RCAN2: variants seen among roughly 807,000 people sequenced by gnomAD.
RCAN2 encodes the protein regulator of calcineurin 2.
A neutral mutation model predicts 23.6 loss-of-function variants in RCAN2; 9 were observed. The observed-to-expected ratio is 0.38, with a 90% CI of 0.23 to 0.67. RCAN2 has a LOEUF of 0.67. Among genes scored for constraint, RCAN2 ranks in the 30% least tolerant of loss-of-function variants. The probability of loss-of-function intolerance (pLI) is 0.51; values close to 1 mark genes in which losing one functional copy is unlikely to be tolerated. For missense variants in RCAN2, 273 were observed against 302.3 expected, an observed-to-expected ratio of 0.90 and a Z score of 0.72; for synonymous variants, 109 against 115.7, an observed-to-expected ratio of 0.94 and a Z score of 0.37.
At chr6:46,433,585 T>C (rs1168091036) in intron 2 of RCAN2, among the ~76,000 whole-genome samples, 1 of 152,034 alleles carries the variant, frequency 6.6e-6, no homozygotes, top group Admixed American at 6.6e-5. Flanking sequence ...AGATTTACAG[T>C]GTTGGCTTTG....
At chr6:46,298,384 T>C (rs1762787404) in intron 2 of RCAN2, among the ~76,000 whole-genome samples, 1 of 151,994 alleles carries the variant, frequency 6.6e-6, no homozygotes, top group South Asian at 2.1e-4. Context: ...GGGGTAGTGG[T>C]GAGGGCAATA....
intron 2 of RCAN2, among the ~76,000 whole-genome samples, chr6:46,258,940 C>T (rs1168089361): frequency 1.3e-5 from 2 of 152,076 alleles, no homozygotes; most frequent in East Asian, 1.9e-4. Context: ...GGAGGCAGAG[C>T]GGGGGTGAAT....
intron 2 of RCAN2, among the ~76,000 whole-genome samples, chr6:46,407,206 G>A (rs1226752960): frequency 6.6e-6 from 1 of 152,230 alleles, no homozygotes; most frequent in African/African-American, 2.4e-5. Flanking sequence ...TCAGCACACA[G>A]AAACACAACA....
At chr6:46,461,070 G>A (rs562223198) in intron 1 of RCAN2, among the ~76,000 whole-genome samples, 1 of 152,198 alleles carries the variant, frequency 6.6e-6, no homozygotes, top group East Asian at 1.9e-4. Flanking sequence ...AGAAAAACTG[G>A]AAAATTCAAA....
intron 2 of RCAN2, among the ~76,000 whole-genome samples, chr6:46,386,998 T>G (rs1334210385): frequency 2.0e-5 from 3 of 152,140 alleles, no homozygotes; most frequent in African/African-American, 7.2e-5. Flanking sequence ...ACAAGAAATG[T>G]GGAAAGGATT....
intron 1 of RCAN2, among the ~76,000 whole-genome samples, chr6:46,486,281 T>C (rs1391277287): frequency 6.6e-6 from 1 of 151,950 alleles, no homozygotes; most frequent in Admixed American, 6.6e-5. Flanking sequence ...CCTTGTGGAG[T>C]TGTTGTAAGG....
chr6:46,472,527 G>A (rs1768588735), intron 1 of RCAN2, among the ~76,000 whole-genome samples: 1 of 152,096 alleles, frequency 6.6e-6, no homozygotes, highest in South Asian at 2.1e-4. Flanking sequence ...CCAGGCAACG[G>A]AGAGGACAGT....
At chr6:46,458,898 T>TGC (rs1561914387) in intron 1 of RCAN2, among the ~76,000 whole-genome samples, 2 of 111,560 alleles carry the variant, frequency 1.8e-5, no homozygotes, top group African/African-American at 5.4e-5. Flanking sequence ...CGCGCGCACG[T>TGC]GTGTGTGTGT....
At chr6:46,231,166 C>T (rs917137192) in intron 4 of RCAN2, among the ~76,000 whole-genome samples, 6 of 152,126 alleles carry the variant, frequency 3.9e-5, no homozygotes, top group Admixed American at 6.5e-5. Context: ...TACATCAATA[C>T]GACTAGCACC....
intron 2 of RCAN2, among the ~76,000 whole-genome samples, chr6:46,314,007 G>A (rs1040743389): frequency 2.0e-5 from 3 of 148,728 alleles, no homozygotes; most frequent in Admixed American, 6.7e-5. Flanking sequence ...ATAGTGGGGG[G>A]CTTTTAGCTT....
At chr6:46,367,026 T>G (rs1324591817) in intron 2 of RCAN2, among the ~76,000 whole-genome samples, 2 of 107,196 alleles carry the variant, frequency 1.9e-5, no homozygotes, top group Admixed American at 9.3e-5. Flanking sequence ...GGGATGGATA[T>G]ATATATATAT....
intron 1 of RCAN2, among the ~76,000 whole-genome samples, chr6:46,470,303 AC>A (rs1360714586): frequency 6.6e-6 from 1 of 152,016 alleles, no homozygotes; most frequent in Non-Finnish European, 1.5e-5. Flanking sequence ...GAGAACTAGG[AC>A]CCCCTTTACC....
At chr6:46,418,226 A>G (rs573842972) in intron 2 of RCAN2, among the ~76,000 whole-genome samples, 1 of 152,332 alleles carries the variant, frequency 6.6e-6, no homozygotes, top group Non-Finnish European at 1.5e-5. Flanking sequence ...TTTAAAGCAA[A>G]CACTTTAAAA....
chr6:46,360,269 A>G (rs1359026601), intron 2 of RCAN2, among the ~76,000 whole-genome samples: 1 of 152,120 alleles, frequency 6.6e-6, no homozygotes, highest in East Asian at 1.9e-4. Context: ...GCTGTGGCTC[A>G]AGCCTGTAAT....
At chr6:46,465,501 T>C (rs1297442849) in intron 1 of RCAN2, among the ~76,000 whole-genome samples, 3 of 151,116 alleles carry the variant, frequency 2.0e-5, no homozygotes, top group Non-Finnish European at 4.4e-5. Flanking sequence ...ATTTGAAGAG[T>C]TGAGAGGAGG....
chr6:46,436,894 C>T (rs535927834), intron 2 of RCAN2, among the ~76,000 whole-genome samples: 1 of 152,100 alleles, frequency 6.6e-6, no homozygotes, highest in Non-Finnish European at 1.5e-5. Flanking sequence ...AAAACAGAAC[C>T]AACCCCTCCA....
At position 46,351,056 on chromosome 6, in the gene RCAN2, G is replaced by T. The variant is rs543148785; in HGVS notation, c.226-102160C>A. ...TTAACATATAAAGTGACAAAAAAGG[G>T]TATATAGTCTAGCTATTATCATTAT... On this transcript the variant is annotated intron_variant, in intron 2 of 4. Transcript: ENST00000371374. Among the ~76,000 whole-genome samples the T allele has an allele frequency of 1.6e-3, 246 of 152,260 alleles. 2 individuals carry two copies. Among genetic ancestry groups the T allele is most frequent in the Non-Finnish European group, 2.8e-3 (193 of 68,022 alleles).
intron 2 of RCAN2, among the ~76,000 whole-genome samples, chr6:46,255,557 AG>A (rs1325119231): frequency 6.6e-6 from 1 of 152,214 alleles, no homozygotes; most frequent in African/African-American, 2.4e-5. Flanking sequence ...AGATGCCCTT[AG>A]GGTCAACATG....
chr6:46,318,672 A>T (rs1277992657), intron 2 of RCAN2, among the ~76,000 whole-genome samples: 2 of 152,282 alleles, frequency 1.3e-5, no homozygotes, highest in East Asian at 3.9e-4. Flanking sequence ...ATTGTAGAAT[A>T]GGTAGAGGAT....
Sources: gnomAD v4.1 joint callset for allele counts (sites outside exome capture counted in the v4.1 genomes callset) on GRCh38, gnomAD v4.1.1 for gene constraint, MANE v1.5 for transcripts, NCBI Gene and HGNC (gene_info 2026-07-23, HGNC 2026-07-21) for gene names.